The following SLC24A2 variants were observed in gnomAD, a reference collection of about 807,000 sequenced individuals.
SLC24A2 encodes the protein solute carrier family 24 member 2.
In SLC24A2, 36 loss-of-function variants were observed where a neutral mutation model predicts 62.0. The ratio of observed to expected loss-of-function variants is 0.58; its 90% CI spans 0.44 to 0.77. SLC24A2 has a LOEUF of 0.77. Ranked by LOEUF, SLC24A2 falls within the 30% of genes least tolerant of loss-of-function variation. The probability of loss-of-function intolerance (pLI) is 0.00; values close to 1 mark genes in which losing one functional copy is unlikely to be tolerated. For synonymous variants in SLC24A2, 358 were observed against 294.0 expected (o/e 1.22, Z -2.23); for missense variants, 846 against 817.9 (o/e 1.03, Z -0.42).
At chr9:19,762,853 A>G (rs562951919) in intron 2 of SLC24A2, among the ~76,000 whole-genome samples, 1 of 140,324 alleles carries the variant, frequency 7.1e-6, no homozygotes, top group East Asian at 2.1e-4. Flanking sequence ...TAATTCTGTG[A>G]AGAAAGTCAA....
the SLC24A2 span, among the ~76,000 whole-genome samples, chr9:19,979,405 A>T: frequency 6.6e-6 from 1 of 152,184 alleles, no homozygotes; most frequent in East Asian, 1.9e-4. Flanking sequence ...AGAGATGCAA[A>T]GTATGTACAT....
chr9:19,667,762 C>T (rs1329551036), intron 2 of SLC24A2, among the ~76,000 whole-genome samples: 1 of 152,208 alleles, frequency 6.6e-6, no homozygotes, highest in East Asian at 1.9e-4. Context: ...TTGCCCCAGC[C>T]TGCACTTGGT....
At chr9:20,273,832 C>T in the SLC24A2 span, among the ~76,000 whole-genome samples, 26 of 152,168 alleles carry the variant, frequency 1.7e-4, no homozygotes, top group Non-Finnish European at 3.1e-4. Context: ...ATCCATTCTC[C>T]ATCAAACCTA....
the SLC24A2 span, among the ~76,000 whole-genome samples, chr9:19,869,601 T>C: frequency 6.6e-6 from 1 of 152,208 alleles, no homozygotes; most frequent in Non-Finnish European, 1.5e-5. Context: ...TCTGTACATA[T>C]TACAATGTGT....
At chr9:19,819,767 T>A in the SLC24A2 span, among the ~76,000 whole-genome samples, 1 of 151,950 alleles carries the variant, frequency 6.6e-6, no homozygotes, top group Admixed American at 6.6e-5. Flanking sequence ...GAATGTAAAC[T>A]AGTGCAGCCA....
At chr9:20,202,517 C>T in the SLC24A2 span, among the ~76,000 whole-genome samples, 2 of 152,150 alleles carry the variant, frequency 1.3e-5, no homozygotes, top group South Asian at 2.1e-4. Flanking sequence ...GCAGTTATGG[C>T]GGGGCCTGAG....
At chr9:20,199,549 C>CTA in the SLC24A2 span, among the ~76,000 whole-genome samples, 1 of 152,114 alleles carries the variant, frequency 6.6e-6, no homozygotes, top group South Asian at 2.1e-4. Flanking sequence ...GGGAGAATCT[C>CTA]TATTAACTAG....
At chr9:19,965,114 G>A in the SLC24A2 span, among the ~76,000 whole-genome samples, 1 of 152,074 alleles carries the variant, frequency 6.6e-6, no homozygotes, top group Admixed American at 6.6e-5. Context: ...GAGCGTTGGA[G>A]GCAGAGGGAA....
chr9:19,958,444 G>T, the SLC24A2 span, among the ~76,000 whole-genome samples: 2 of 152,206 alleles, frequency 1.3e-5, no homozygotes, highest in African/African-American at 4.8e-5. Context: ...AAGCTCCACA[G>T]TACAGACAGA....
chr9:20,021,397 A>G, the SLC24A2 span, among the ~76,000 whole-genome samples: 1 of 152,030 alleles, frequency 6.6e-6, no homozygotes, highest in Admixed American at 6.6e-5. Flanking sequence ...ATAATCATAC[A>G]TACATGTATA....
the SLC24A2 span, among the ~76,000 whole-genome samples, chr9:20,080,568 C>G: frequency 6.6e-6 from 1 of 152,112 alleles, no homozygotes. Context: ...TAGGCATGGG[C>G]AAGGACTTCT....
In SLC24A2 at chr9:19,605,899, C is replaced by T. The variant is rs1008354586; in HGVS notation, c.1079-8620G>A. On this transcript the variant is annotated intron_variant, in intron 4 of 10. Coordinates refer to ENST00000341998, the MANE Select transcript of SLC24A2 (RefSeq NM_020344.4). ...GGCACACAGCTAGTAAGAGGCAGAACTGGGGTTCAAACCAAGGTGGCTGGC... is the reference window on the plus strand; with the variant it reads ...GGCACACAGCTAGTAAGAGGCAGAATTGGGGTTCAAACCAAGGTGGCTGGC... 2.6e-5 allele frequency among the ~76,000 whole-genome samples: 4 copies of T among 152,224 alleles called. No individual in the cohort carries two copies. In the East Asian group the frequency reaches 7.7e-4, roughly 29 times the overall value.
At chr9:19,572,569 C>G (rs1449666271) in intron 7 of SLC24A2, among the ~76,000 whole-genome samples, 1 of 152,318 alleles carries the variant, frequency 6.6e-6, no homozygotes, top group Non-Finnish European at 1.5e-5. Context: ...ATGCTTGCTT[C>G]CCCTTCACCT....
chr9:20,260,314 A>C, the SLC24A2 span, among the ~76,000 whole-genome samples: 1 of 152,310 alleles, frequency 6.6e-6, no homozygotes, highest in Non-Finnish European at 1.5e-5. Context: ...GGAGCCAATA[A>C]ATTTCTGTTT....
chr9:19,823,087 A>G, the SLC24A2 span, among the ~76,000 whole-genome samples: 3 of 152,144 alleles, frequency 2.0e-5, no homozygotes, highest in Non-Finnish European at 2.9e-5. Flanking sequence ...CTGCTTCTCC[A>G]AAGACCAGAT....
chr9:19,606,541 T>A (rs1387253345), intron 4 of SLC24A2, among the ~76,000 whole-genome samples: 2 of 152,150 alleles, frequency 1.3e-5, no homozygotes, highest in South Asian at 2.1e-4. Context: ...TCCCCCAGAG[T>A]CTTGTCTACA....
chr9:19,705,864 A>G (rs1471500801), intron 2 of SLC24A2, among the ~76,000 whole-genome samples: 27 of 152,016 alleles, frequency 1.8e-4, no homozygotes. Flanking sequence ...TATGTGGTCA[A>G]TTTTGGAATA....
the SLC24A2 span, among the ~76,000 whole-genome samples, chr9:19,797,997 A>G: frequency 1.3e-5 from 2 of 152,108 alleles, no homozygotes; most frequent in African/African-American, 4.8e-5. Flanking sequence ...AATAACATAC[A>G]TTTATTATCT....
At chr9:19,546,870 C>T (rs57443905) in intron 8 of SLC24A2, among the ~76,000 whole-genome samples, 8,445 of 152,248 alleles carry the variant, frequency 0.055, 762 homozygotes, top group African/African-American at 0.19. Flanking sequence ...GGGAAAAGCA[C>T]AGTGTCTGGG....
Sources: gnomAD v4.1 joint callset for allele counts (sites outside exome capture counted in the v4.1 genomes callset) on GRCh38, gnomAD v4.1.1 for gene constraint, MANE v1.5 for transcripts, NCBI Gene and HGNC (gene_info 2026-07-23, HGNC 2026-07-21) for gene names.